The following ACTN2 variants were observed in gnomAD, a reference collection of about 807,000 sequenced individuals.
ACTN2 encodes the protein actinin alpha 2, also known as alpha-actinin-2.
In ACTN2, 39 loss-of-function variants were observed where a neutral mutation model predicts 113.8. That is an observed-to-expected ratio of 0.34 (90% CI 0.27 to 0.45). The LOEUF (loss-of-function observed/expected upper bound fraction) is 0.45, where lower values mean the gene tolerates loss of function less well. Ranked by LOEUF, ACTN2 falls within the 20% of genes least tolerant of loss-of-function variation. The probability of loss-of-function intolerance (pLI) is 1.00; values close to 1 mark genes in which losing one functional copy is unlikely to be tolerated. For synonymous variants in ACTN2, 429 were observed against 444.1 expected (o/e 0.97, Z 0.43); for missense variants, 992 against 1,177.9 (o/e 0.84, Z 2.31).
At chr1:236,723,201 C>A (rs1768055) in intron 4 of ACTN2, among the ~76,000 whole-genome samples, 151,165 of 152,344 alleles carry the variant, frequency 0.99, 75,005 homozygotes, top group Middle Eastern at 1. Context: ...ACTTCTTCTT[C>A]TTAATTTCAT....
intron 7 of ACTN2, chr1:236,734,329 G>T: frequency 1.4e-6 from 1 of 737,446 alleles, no homozygotes; most frequent in Non-Finnish European, 2.2e-6. Context: ...GTGTATGGGG[G>T]CGAAGGGGGA....
intron 1 of ACTN2, among the ~76,000 whole-genome samples, chr1:236,700,540 C>T (rs1657642678): frequency 6.6e-6 from 1 of 152,156 alleles, no homozygotes; most frequent in African/African-American, 2.4e-5. Flanking sequence ...TCGTACTGCA[C>T]CCTGATCTTA....
At chr1:236,689,076 A>G (rs902357327) in intron 1 of ACTN2, among the ~76,000 whole-genome samples, 3 of 152,090 alleles carry the variant, frequency 2.0e-5, no homozygotes, top group African/African-American at 7.2e-5. Flanking sequence ...ATAAAAGTGT[A>G]ATGAGTTTTA....
chr1:236,703,601 T>C (rs1160934078), intron 1 of ACTN2, among the ~76,000 whole-genome samples: 1 of 151,770 alleles, frequency 6.6e-6, no homozygotes, highest in Non-Finnish European at 1.5e-5. Context: ...AGTTAAAAGG[T>C]GGGGGAAGGG....
intron 9 of ACTN2, 83 bp downstream of exon 9, chr1:236,737,297 G>GTATATATATATATATATAGATATATA: frequency 3.1e-6 from 1 of 318,474 alleles, no homozygotes. Flanking sequence ...CTCCGTGGGG[G>GTATATATATATATATATAGATATATA]CATATATATA....
intron 10 of ACTN2, among the ~76,000 whole-genome samples, chr1:236,740,631 C>T (rs1241610500): frequency 6.6e-6 from 1 of 151,912 alleles, no homozygotes; most frequent in Non-Finnish European, 1.5e-5. Flanking sequence ...CTCCCGAGTT[C>T]AAGCAATTCT....
chr1:236,735,510 C>A, intron 7 of ACTN2, 125 bp from the exon 8 acceptor site: 2 of 851,736 alleles, frequency 2.3e-6, no homozygotes, highest in Non-Finnish European at 4.0e-6. Flanking sequence ...GCCCATGAAA[C>A]ACAGAAATCT....
At chr1:236,742,874 C>T (rs1659113841) in intron 10 of ACTN2, 22 bp from the exon 11 acceptor site, 1 of 1,613,976 alleles carries the variant, frequency 6.2e-7, no homozygotes, top group South Asian at 1.1e-5. Context: ...CATTTGCTTC[C>T]CTTGGCTTCC....
In ACTN2 at chr1:236,713,508, T is replaced by A. The variant is rs1658113123; in HGVS notation, c.127-4350T>A. Among the ~76,000 whole-genome samples the A allele has an allele frequency of 1.3e-5, 2 of 152,214 alleles. 1 individual carries two copies. Among genetic ancestry groups the A allele is most frequent in the South Asian group, 4.1e-4 (2 of 4,832 alleles). The stretch of plus-strand genomic sequence containing the variant: ...TCCCAAAGTGCTGGGATTACAGGCA[T>A]GAGCCACTGTGCCAAGCAAAGTATA... On this transcript the variant is annotated intron_variant, in intron 1 of 20. Transcript: ENST00000366578.
chr1:236,686,838 CCGGGTCCCCCG>C, intron 1 of ACTN2, 39 bp downstream of exon 1: 7 of 1,386,930 alleles, frequency 5.0e-6, no homozygotes, highest in Non-Finnish European at 6.6e-6. Context: ...CGTGGTGGGG[CCGGGTCCCCCG>C]CGGGGCTCCC....
intron 1 of ACTN2, among the ~76,000 whole-genome samples, chr1:236,703,675 T>A (rs75094543): frequency 2.0e-5 from 3 of 151,338 alleles, no homozygotes; most frequent in African/African-American, 7.3e-5. Context: ...TTTTTTTTTT[T>A]AATAATTAAA....
chr1:236,715,812 T>C (rs943543853), intron 1 of ACTN2, among the ~76,000 whole-genome samples: 1 of 152,020 alleles, frequency 6.6e-6, no homozygotes, highest in Non-Finnish European at 1.5e-5. Flanking sequence ...AAAAATCAGC[T>C]AGGTGTGGTG....
intron 1 of ACTN2, among the ~76,000 whole-genome samples, chr1:236,705,220 A>AT (rs1491279242): frequency 0.016 from 2,396 of 151,466 alleles, 62 homozygotes; most frequent in African/African-American, 0.052. Flanking sequence ...ATATATATAT[A>AT]AAAAATATCA....
At chr1:236,718,101 A>G in intron 2 of ACTN2, 129 bp downstream of exon 2, 1 of 748,218 alleles carries the variant, frequency 1.3e-6, no homozygotes, top group East Asian at 2.7e-5. Context: ...TGCCAAAGAA[A>G]ACCTTTCCAA....
At chr1:236,759,613 C>A in intron 18 of ACTN2, 111 bp from the exon 19 acceptor site, 1 of 887,650 alleles carries the variant, frequency 1.1e-6, no homozygotes, top group South Asian at 1.3e-5. Flanking sequence ...ACATTTACGA[C>A]CTTGGCAGAG....
chr1:236,739,209 C>T, intron 9 of ACTN2, 93 bp from the exon 10 acceptor site: 1 of 1,280,068 alleles, frequency 7.8e-7, no homozygotes, highest in Non-Finnish European at 1.1e-6. Context: ...AACATTCATC[C>T]TTTACAAATT....
In ACTN2 at chr1:236,686,576, C is replaced by T. The variant is rs1221218425; in HGVS notation, c.-98C>T. 1.5e-6 allele frequency: 2 copies of T among 1,326,520 alleles called. No individual in the cohort carries two copies. The highest frequency in any genetic ancestry group is 3.3e-5 in the East Asian group (1 of 30,096). 82.2% of individuals were successfully genotyped at this position (1,326,520 alleles called of 1,614,324 possible). On this transcript the variant is annotated 5_prime_UTR_variant, in exon 1 of 21. Coordinates refer to ENST00000366578, the MANE Select transcript of ACTN2 (RefSeq NM_001103.4). ...AGCCGCGCGAAGGTCACCCCGCGCC[C>T]GCCGCCCGCCGCCCGCCGCCTCCGT...
At chr1:236,745,513 C>CTTTGCT (rs1236209510) in intron 12 of ACTN2, among the ~76,000 whole-genome samples, 1 of 152,320 alleles carries the variant, frequency 6.6e-6, no homozygotes, top group East Asian at 1.9e-4. Flanking sequence ...CAGGACCCCA[C>CTTTGCT]TTTGCTTTAT....
intron 19 of ACTN2, 67 bp downstream of exon 19, chr1:236,759,856 G>T (rs1170405116): frequency 1.1e-5 from 16 of 1,492,264 alleles, no homozygotes; most frequent in Non-Finnish European, 1.5e-5. Context: ...TGTTATAAAA[G>T]ATGACAAGCT....
Sources: allele counts gnomAD v4.1 joint callset (sites outside exome capture counted in the v4.1 genomes callset), GRCh38; gene constraint gnomAD v4.1.1; transcripts MANE v1.5; gene names NCBI Gene and HGNC (gene_info 2026-07-23, HGNC 2026-07-21).